The following PCDHA9 variants were observed in gnomAD, a reference collection of about 807,000 sequenced individuals.
PCDHA9 encodes protocadherin alpha 9.
In PCDHA9, 62 loss-of-function variants were observed where a neutral mutation model predicts 62.0. The observed-to-expected ratio is 1.00, with a 90% CI of 0.81 to 1.23. The LOEUF is 1.23. Among genes scored for constraint, PCDHA9 ranks in the 50% most tolerant of loss-of-function variants. The pLI is 0.00. For synonymous variants in PCDHA9, 557 were observed against 567.6 expected (o/e 0.98, Z 0.27); for missense variants, 1,205 against 1,249.8 (o/e 0.96, Z 0.54).
At chr5:140,905,621 T>C (rs1180191773) in intron 1 of PCDHA9, among the ~76,000 whole-genome samples, 1 of 152,224 alleles carries the variant, frequency 6.6e-6, no homozygotes, top group Non-Finnish European at 1.5e-5. Flanking sequence ...TAGATTGCTT[T>C]TGACAGTATG....
chr5:140,964,880 C>T (rs2095860447), intron 1 of PCDHA9, among the ~76,000 whole-genome samples: 1 of 152,168 alleles, frequency 6.6e-6, no homozygotes, highest in Admixed American at 6.5e-5. Context: ...TAAGAAGCAG[C>T]AGTGATAGGA....
chr5:140,874,662 G>A (rs1478767625), intron 1 of PCDHA9, among the ~76,000 whole-genome samples: 1 of 152,170 alleles, frequency 6.6e-6, no homozygotes, highest in Non-Finnish European at 1.5e-5. Flanking sequence ...AAACTTTCCA[G>A]AATCTATTCC....
At chr5:140,930,527 A>C (rs73793525) in intron 1 of PCDHA9, 8,511 of 152,566 alleles carry the variant, frequency 0.056, 704 homozygotes, top group African/African-American at 0.18. Context: ...CTGGCCCTCA[A>C]ACTTCTTGAG....
intron 1 of PCDHA9, chr5:140,929,903 C>T (rs11747154): frequency 0.12 from 17,815 of 152,352 alleles, 1,161 homozygotes; most frequent in Middle Eastern, 0.19. Context: ...ATCTTTAATA[C>T]GATATACCAT....
At chr5:140,851,766 T>A in intron 1 of PCDHA9, 2 of 968,988 alleles carry the variant, frequency 2.1e-6, no homozygotes, top group South Asian at 4.8e-5. Context: ...AACATTACCC[T>A]TATGAATTTA....
rs781808272 is a variant in PCDHA9, at chr5:140,856,411, A to G, written c.2394+5522A>G. Reference sequence around the variant, plus strand: ...TGCAGGTTTTCCATGTGGACGTGGAAGTGAAGGACATTAACGACAACCCGC... The same window carrying G: ...TGCAGGTTTTCCATGTGGACGTGGAGGTGAAGGACATTAACGACAACCCGC... On this transcript the variant is annotated intron_variant, in intron 1 of 3. Transcript: ENST00000532602. 31 of 1,598,328 alleles carry G rather than the reference A, an allele frequency of 1.9e-5. 3 individuals are homozygous for G. Among genetic ancestry groups the G allele is most frequent in the African/African-American group, 5.4e-5 (4 of 74,256 alleles).
chr5:140,861,259 G>A (rs1180244061), intron 1 of PCDHA9: 2 of 166,330 alleles, frequency 1.2e-5, no homozygotes, highest in Non-Finnish European at 2.6e-5. Flanking sequence ...AGGAATCCCG[G>A]AGCCTACAGC....
chr5:140,871,036 C>G (rs781977409), intron 1 of PCDHA9: 3 of 1,613,274 alleles, frequency 1.9e-6, no homozygotes, highest in East Asian at 4.5e-5. Flanking sequence ...GCCGCGCCAC[C>G]GACTTCTAGT....
At chr5:140,880,840 GT>G (rs1554171522) in intron 1 of PCDHA9, among the ~76,000 whole-genome samples, 2 of 152,176 alleles carry the variant, frequency 1.3e-5, no homozygotes, top group Admixed American at 6.5e-5. Flanking sequence ...ATTTTAAATG[GT>G]TGACTATGTA....
At chr5:140,989,527 G>A (rs1172019994) in intron 3 of PCDHA9, among the ~76,000 whole-genome samples, 1 of 152,192 alleles carries the variant, frequency 6.6e-6, no homozygotes, top group Non-Finnish European at 1.5e-5. Flanking sequence ...GGGCAGAGGA[G>A]GAAGATAGTT....
chr5:140,901,459 C>G (rs528238941), intron 1 of PCDHA9, among the ~76,000 whole-genome samples: 1 of 152,160 alleles, frequency 6.6e-6, no homozygotes, highest in South Asian at 2.1e-4. Flanking sequence ...CACAGACTGT[C>G]TTTTCTCGAG....
At chr5:140,884,330 G>T in intron 1 of PCDHA9, 2 of 1,613,876 alleles carry the variant, frequency 1.2e-6, no homozygotes, top group Non-Finnish European at 1.7e-6. Context: ...AGGCGCTGTG[G>T]GTCCAGAAGC....
At position 141,009,867 on chromosome 5, in the gene PCDHA9, A is replaced by C. The variant is rs374660085; in HGVS notation, c.2783A>C (p.Lys928Thr). 4.3e-6 allele frequency: 7 copies of C among 1,613,976 alleles called. No individual in the cohort carries two copies. The African/African-American group carries it at 9.3e-5, about 22-fold the overall frequency. ...GAGGAGACCAAGAAAAAGAAGAAAA[A>C]GAAGAAGGGTAACAAGACCCAGGAG... Reference protein sequence around the residue: ...KKEETKKKKKKKKGNKTQEKK... With the variant: ...KKEETKKKKKTKKGNKTQEKK... Residue 928 changes from lysine (K) to threonine (T), a missense_variant, in exon 4 of 4, where the codon AAG becomes ACG. Coordinates refer to ENST00000532602, the MANE Select transcript of PCDHA9 (RefSeq NM_031857.2).
rs2150495935 is a variant in PCDHA9 at position 140,850,724 on chromosome 5, C to G, written c.2229C>G (p.Ser743Arg). Residue 743 changes from serine to arginine, a missense_variant, in exon 1 of 4, where the codon AGC becomes AGG. This residue lies in a region of PCDHA9 where 887 missense variants were observed against 809.5 expected (regional missense o/e 1.10). Coordinates refer to ENST00000532602, the MANE Select transcript of PCDHA9 (RefSeq NM_031857.2). ...GCAAGCCGACGCTGGTGTGTTCTAGCGCGGTGGGGAGTTGGTCGTACTCGC... is the reference window on the plus strand; with the variant it reads ...GCAAGCCGACGCTGGTGTGTTCTAGGGCGGTGGGGAGTTGGTCGTACTCGC... ...APGKPTLVCS[S>R]AVGSWSYSQQ... 5.0e-6 allele frequency: 8 copies of G among 1,597,668 alleles called. No individual in the cohort carries two copies. The African/African-American group carries it at 1.1e-4, about 22-fold the overall frequency.
chr5:140,973,242 ATTC>A (rs1295527172), intron 1 of PCDHA9, among the ~76,000 whole-genome samples: 1 of 152,170 alleles, frequency 6.6e-6, no homozygotes, highest in Non-Finnish European at 1.5e-5. Context: ...GAAAGAGTTA[ATTC>A]TTCTTTCAGT....
chr5:140,884,500 G>C (rs782378726), intron 1 of PCDHA9: 10 of 1,614,004 alleles, frequency 6.2e-6, no homozygotes, highest in Admixed American at 3.3e-5. Flanking sequence ...GCTCCAGCGC[G>C]GCAGGGAGTT....
intron 1 of PCDHA9, among the ~76,000 whole-genome samples, chr5:140,943,257 CA>C (rs1238620023): frequency 1.6e-3 from 121 of 77,534 alleles, no homozygotes; most frequent in Middle Eastern, 7.2e-3. Flanking sequence ...GACTCTGTCT[CA>C]AAAAAAAAAA....
At chr5:140,863,267 C>A in intron 1 of PCDHA9, 4 of 1,457,908 alleles carry the variant, frequency 2.7e-6, no homozygotes, top group Non-Finnish European at 2.8e-6. Context: ...CGGGAGGCAG[C>A]GCTGGTGGAT....
At chr5:140,856,185 G>T (rs1554148335) in intron 1 of PCDHA9, 1 of 1,598,044 alleles carries the variant, frequency 6.3e-7, no homozygotes, top group Non-Finnish European at 8.6e-7. Context: ...TTCGTGGGCC[G>T]CATCGCGCAG....
Sources: allele counts gnomAD v4.1 joint callset (sites outside exome capture counted in the v4.1 genomes callset), GRCh38; gene constraint gnomAD v4.1.1; regional missense constraint gnomAD v4.1.1; transcripts MANE v1.5; gene names NCBI Gene and HGNC (gene_info 2026-07-23, HGNC 2026-07-21).